PPP1R14C: variants seen among roughly 807,000 people sequenced by gnomAD.
The protein encoded by PPP1R14C is protein phosphatase 1 regulatory inhibitor subunit 14C, also known as protein phosphatase 1 regulatory subunit 14C.
Under a neutral mutation model 20.4 loss-of-function variants are expected in PPP1R14C, and 16 were observed. The observed-to-expected ratio is 0.78, with a 90% CI of 0.53 to 1.19. The LOEUF (loss-of-function observed/expected upper bound fraction) is 1.19, where lower values mean the gene tolerates loss of function less well. PPP1R14C is among the 50% of genes most tolerant of loss of function. The pLI is 0.00. For missense variants in PPP1R14C, 211 were observed against 220.1 expected (o/e 0.96, Z 0.26); for synonymous variants, 91 against 91.0 (o/e 1.00, Z 0.00).
intron 1 of PPP1R14C, among the ~76,000 whole-genome samples, chr6:150,191,269 T>G (rs992832889): frequency 6.6e-6 from 1 of 152,218 alleles, no homozygotes; most frequent in Admixed American, 6.5e-5. Flanking sequence ...TGCTTTTCCC[T>G]GTAGCACTTA....
intron 1 of PPP1R14C, among the ~76,000 whole-genome samples, chr6:150,178,598 G>A (rs1485459889): frequency 1.3e-5 from 2 of 152,138 alleles, no homozygotes; most frequent in African/African-American, 2.4e-5. Flanking sequence ...TCCAACCTAA[G>A]CATAGCTCTA....
At chr6:150,180,587 G>C (rs1777610690) in intron 1 of PPP1R14C, among the ~76,000 whole-genome samples, 1 of 152,166 alleles carries the variant, frequency 6.6e-6, no homozygotes, top group Non-Finnish European at 1.5e-5. Context: ...TCCTCAGTTT[G>C]CCTCCTGTTG....
intron 1 of PPP1R14C, among the ~76,000 whole-genome samples, chr6:150,183,746 C>T (rs985820512): frequency 1.1e-4 from 16 of 151,830 alleles, no homozygotes; most frequent in Admixed American, 7.2e-4. Context: ...CTCCTGACCT[C>T]GTGATCCACC....
intron 1 of PPP1R14C, among the ~76,000 whole-genome samples, chr6:150,203,986 A>G (rs539587505): frequency 2.0e-5 from 3 of 152,306 alleles, no homozygotes; most frequent in African/African-American, 7.2e-5. Flanking sequence ...CCTGTAGCCC[A>G]GGACCAGTGC....
intron 1 of PPP1R14C, among the ~76,000 whole-genome samples, chr6:150,191,488 A>T (rs1031015513): frequency 6.6e-6 from 1 of 152,236 alleles, no homozygotes; most frequent in African/African-American, 2.4e-5. Flanking sequence ...ACACAAGTAC[A>T]TCAGATGTGT....
intron 1 of PPP1R14C, among the ~76,000 whole-genome samples, chr6:150,176,664 A>G (rs1777566110): frequency 6.6e-6 from 1 of 152,228 alleles, no homozygotes; most frequent in South Asian, 2.1e-4. Context: ...ATCATCCTCA[A>G]ATAGTCCACA....
chr6:150,143,318 C>T lies in PPP1R14C; in HGVS notation c.126C>T (p.Ser42=). The part of the protein sequence containing the change: ...GSPGSSSGSG[S]SREDSAPVAT... ...CCGGCTCCAGCAGCGGCTCAGGCTC[C>T]TCCCGGGAGGACTCGGCGCCCGTGG... The change falls in exon 1 of 4, where the codon TCC becomes TCT. Residue 42 remains serine (S), a synonymous_variant. Transcript: ENST00000361131. This position sits in a 1 kb window ranked among gnomAD's most constrained non-coding sequence, Gnocchi z 5.6. 5.6e-6 allele frequency: 9 copies of T among 1,597,244 alleles called. No homozygotes were observed. The highest frequency in any genetic ancestry group is 7.7e-6 in the Non-Finnish European group (9 of 1,174,116).
At chr6:150,196,103 G>C (rs942062843) in intron 1 of PPP1R14C, 1 of 985,298 alleles carries the variant, frequency 1.0e-6, no homozygotes, top group African/African-American at 1.7e-5. Flanking sequence ...ATAAATAGGA[G>C]CATCAATGGG....
intron 3 of PPP1R14C, among the ~76,000 whole-genome samples, chr6:150,243,254 C>T (rs991341835): frequency 6.6e-6 from 1 of 150,404 alleles, no homozygotes; most frequent in Non-Finnish European, 1.5e-5. Flanking sequence ...TGGCTCACTG[C>T]AACCTCCGCC....
intron 3 of PPP1R14C, among the ~76,000 whole-genome samples, chr6:150,238,617 G>C (rs559431546): frequency 3.5e-4 from 53 of 152,396 alleles, no homozygotes; most frequent in African/African-American, 1.1e-3. Flanking sequence ...CCATATGTTG[G>C]CAGGGCCTGT....
chr6:150,157,206 T>A (rs1201088529), intron 1 of PPP1R14C, among the ~76,000 whole-genome samples: 2 of 152,212 alleles, frequency 1.3e-5, no homozygotes, highest in Non-Finnish European at 2.9e-5. Context: ...AAATATTTAG[T>A]AAAATGAAAT....
At chr6:150,160,303 C>T (rs1308137933) in intron 1 of PPP1R14C, among the ~76,000 whole-genome samples, 6 of 137,484 alleles carry the variant, frequency 4.4e-5, no homozygotes, top group Non-Finnish European at 7.6e-5. Context: ...CTTGCTCTGT[C>T]GCCCAGGCTG....
intron 1 of PPP1R14C, among the ~76,000 whole-genome samples, chr6:150,204,494 T>C (rs182262939): frequency 9.8e-5 from 15 of 152,308 alleles, no homozygotes; most frequent in Admixed American, 3.3e-4. Flanking sequence ...GAAGAGACAT[T>C]TACATGGAAT....
intron 3 of PPP1R14C, among the ~76,000 whole-genome samples, chr6:150,245,339 A>G (rs1305490468): frequency 2.3e-4 from 35 of 152,192 alleles, no homozygotes; most frequent in Admixed American, 2.3e-3. Context: ...GGAATCTTCC[A>G]AAGCCATAAA....
Position 150,143,091 on chromosome 6 carries a change from G to T in PPP1R14C, c.-102G>T. On this transcript the variant is annotated 5_prime_UTR_variant, in exon 1 of 4. Coordinates refer to ENST00000361131, the MANE Select transcript of PPP1R14C (RefSeq NM_030949.3). The surrounding 1 kb of genome is among the most constrained non-coding windows in gnomAD (Gnocchi z 5.6). Reference sequence around the variant, plus strand: ...CGCGCGGCGCAGAGCAGGTGCCGGGGAGCCCTTCGCATGCGGCTGCCGGGC... The same window carrying T: ...CGCGCGGCGCAGAGCAGGTGCCGGGTAGCCCTTCGCATGCGGCTGCCGGGC... The T allele has an allele frequency of 3.5e-6, 4 of 1,129,342 alleles. No homozygotes were observed. Among genetic ancestry groups the T allele is most frequent in the Non-Finnish European group, 4.3e-6 (4 of 927,150 alleles). 70.0% of individuals were successfully genotyped at this position (1,129,342 alleles called of 1,614,324 possible). A position where few individuals can be genotyped will look rare whatever the true frequency, so the allele number is the denominator to read the frequency against.
intron 3 of PPP1R14C, among the ~76,000 whole-genome samples, chr6:150,227,457 A>G (rs1778243290): frequency 6.6e-6 from 1 of 152,212 alleles, no homozygotes; most frequent in Admixed American, 6.5e-5. Flanking sequence ...ATGGTTCTCT[A>G]AGTTAGAAAC....
chr6:150,159,175 C>T (rs1777337259), intron 1 of PPP1R14C, among the ~76,000 whole-genome samples: 1 of 152,206 alleles, frequency 6.6e-6, no homozygotes, highest in South Asian at 2.1e-4. Context: ...ATCAGCCATT[C>T]CTTTGTTTCA....
intron 3 of PPP1R14C, 48 bp from the exon 4 acceptor site, chr6:150,248,698 A>C (rs1469403787): frequency 4.6e-6 from 6 of 1,298,096 alleles, no homozygotes; most frequent in Non-Finnish European, 6.7e-6. Context: ...TTTTAAACAC[A>C]GAATTTTAAT....
At chr6:150,222,265 A>G (rs1778177830) in intron 3 of PPP1R14C, among the ~76,000 whole-genome samples, 1 of 148,410 alleles carries the variant, frequency 6.7e-6, no homozygotes, top group Non-Finnish European at 1.5e-5. Context: ...CATAGCTTTT[A>G]AAAGATAATT....
Sources: gnomAD v4.1 joint callset for allele counts (sites outside exome capture counted in the v4.1 genomes callset) on GRCh38, gnomAD v4.1.1 for gene constraint, Gnocchi (gnomAD v3.1) non-coding constraint, MANE v1.5 for transcripts, NCBI Gene and HGNC (gene_info 2026-07-23, HGNC 2026-07-21) for gene names.